Variants in ENOSF1 observed in about 807,000 individuals in gnomAD.
The protein encoded by ENOSF1 is enolase superfamily member 1.
A neutral mutation model predicts 68.2 loss-of-function variants in ENOSF1; 73 were observed. That is an observed-to-expected ratio of 1.07 (90% CI 0.89 to 1.30). The LOEUF (loss-of-function observed/expected upper bound fraction) is 1.30. Among genes scored for constraint, ENOSF1 ranks in the 50% most tolerant of loss-of-function variants. The probability of loss-of-function intolerance (pLI) is 0.00; values close to 1 mark genes in which losing one functional copy is unlikely to be tolerated. For missense variants in ENOSF1, 589 were observed against 554.5 expected, an observed-to-expected ratio of 1.06 and a Z score of -0.62; for synonymous variants, 223 against 210.4, an observed-to-expected ratio of 1.06 and a Z score of -0.52.
Position 678,881 on chromosome 18 carries a change from G to A in ENOSF1, c.877-144C>T. On this transcript the variant is annotated intron_variant, in intron 11 of 15. Transcript: ENST00000647584. ...TCAAGACTGGCAAAGGATGTCCAGG[G>A]GAACACATGCGTGCGGGAGGGCTCT... is the stretch of plus-strand genomic sequence containing the variant. 3.7e-6 allele frequency: 3 copies of A among 809,554 alleles called. No homozygotes were observed. The South Asian group carries it at 4.8e-5, about 13-fold the overall frequency. 50.1% of individuals were successfully genotyped at this position (809,554 alleles called of 1,614,324 possible). A position where few individuals can be genotyped will look rare whatever the true frequency, so the allele number is the denominator to read the frequency against.
At position 675,357 on chromosome 18, in the gene ENOSF1, G is replaced by T. The variant is rs748359200; in HGVS notation, c.1194C>A (p.Pro398=). Reference sequence around the variant, plus strand: ...TGTAGGAAGCCCGCTGGATCATCACGGGATACTTGAAATGCTCATGCAGGT... The same window carrying T: ...TGTAGGAAGCCCGCTGGATCATCACTGGATACTTGAAATGCTCATGCAGGT... The part of the protein sequence containing the change: ...VDHLHEHFKY[P]VMIQRASYMP... The change falls in exon 15 of 16, where the codon CCC becomes CCA. Residue 398 remains proline (P), a synonymous_variant. Coordinates refer to ENST00000647584, the MANE Select transcript of ENOSF1 (RefSeq NM_017512.7). The T allele has an allele frequency of 1.2e-6, 2 of 1,612,932 alleles. No homozygotes were observed. Among genetic ancestry groups the T allele is most frequent in the Non-Finnish European group, 1.7e-6 (2 of 1,179,766 alleles).
rs536440656 is a variant in ENOSF1 at position 706,646 on chromosome 18, A to T, written c.85-68T>A. ...AAACCCGAAAAGAACCATGAGAATG[A>T]TGTCACATGAGGACAGACAATGCCA... On this transcript the variant is annotated intron_variant, in intron 1 of 15. Coordinates refer to ENST00000647584, the MANE Select transcript of ENOSF1 (RefSeq NM_017512.7). The T allele has an allele frequency of 4.0e-5, 48 of 1,188,516 alleles. No individual in the cohort carries two copies. In the African/African-American group the frequency reaches 6.6e-4, roughly 16 times the overall value. The allele number at this position is 1,188,516 out of a possible 1,614,324, so 73.6% of individuals were successfully genotyped here. A position where few individuals can be genotyped will look rare whatever the true frequency, so the allele number is the denominator to read the frequency against.
intron 14 of ENOSF1, among the ~76,000 whole-genome samples, chr18:676,748 T>C (rs1246151804): frequency 6.6e-6 from 1 of 152,262 alleles, no homozygotes; most frequent in Non-Finnish European, 1.5e-5. Context: ...CCATTATTAC[T>C]GAAGCCTCCT....
intron 14 of ENOSF1, chr18:675,637 T>C: frequency 3.9e-6 from 2 of 515,314 alleles, no homozygotes; most frequent in Non-Finnish European, 3.5e-6. Context: ...GAAGTCCCTC[T>C]AGAGGTTTTG....
At chr18:665,137 C>T in the ENOSF1 span, among the ~76,000 whole-genome samples, 6,980 of 146,656 alleles carry the variant, frequency 0.048, 393 homozygotes, top group East Asian at 0.24. Context: ...GGCTGTGAAT[C>T]CATCTGGTCC....
In ENOSF1 at chr18:671,528, C is replaced by A; in HGVS notation, c.*2777G>T. On this transcript the variant is annotated 3_prime_UTR_variant, in exon 16 of 16. Transcript: ENST00000647584. ...GTTGACTGTGGAACAGGCATCTGCT[C>A]AATGCTGTGTCCAAGATAAAGATGA... The A allele has an allele frequency of 1.1e-6, 1 of 918,412 alleles. No individual in the cohort carries two copies. The highest frequency in any genetic ancestry group is 1.3e-5 in the South Asian group (1 of 74,450). 56.9% of individuals were successfully genotyped at this position (918,412 alleles called of 1,614,324 possible). A position where few individuals can be genotyped will look rare whatever the true frequency, so the allele number is the denominator to read the frequency against.
At chr18:664,265 T>A in the ENOSF1 span, among the ~76,000 whole-genome samples, 1 of 151,596 alleles carries the variant, frequency 6.6e-6, no homozygotes, top group African/African-American at 2.4e-5. Context: ...AGGTATTTTA[T>A]TCTCTTTGAA....
chr18:677,637 A>T, intron 13 of ENOSF1, 106 bp downstream of exon 13: 1 of 1,458,988 alleles, frequency 6.9e-7, no homozygotes, highest in Non-Finnish European at 9.2e-7. Context: ...AAAAATCGAA[A>T]TGGCAAACTA....
intron 2 of ENOSF1, among the ~76,000 whole-genome samples, chr18:700,277 A>G (rs2078192229): frequency 6.6e-6 from 1 of 152,194 alleles, no homozygotes; most frequent in African/African-American, 2.4e-5. Context: ...AATTGTGAGA[A>G]GACAGAGTCC....
At chr18:684,435 G>C (rs1346802918) in intron 10 of ENOSF1, among the ~76,000 whole-genome samples, 2 of 151,986 alleles carry the variant, frequency 1.3e-5, no homozygotes, top group Non-Finnish European at 2.9e-5. Flanking sequence ...GGTTGAGGTG[G>C]GAGGATCCCC....
In ENOSF1 at chr18:690,708, T is replaced by A. The variant is rs1395998349; in HGVS notation, c.536-77A>T. The A allele has an allele frequency of 1.9e-6, 3 of 1,592,512 alleles. No homozygotes were observed. The East Asian group carries it at 6.8e-5, about 36-fold the overall frequency. On this transcript the variant is annotated intron_variant, in intron 7 of 15. Transcript: ENST00000647584. ...ATTGGAAGTGCCTGTAGCTAAGCTGTTTCCCCTGGAGAGTCCAGCTGTTCT... is the reference window on the plus strand; with the variant it reads ...ATTGGAAGTGCCTGTAGCTAAGCTGATTCCCCTGGAGAGTCCAGCTGTTCT...
At chr18:680,372 G>A (rs975059361) in intron 11 of ENOSF1, among the ~76,000 whole-genome samples, 3 of 152,206 alleles carry the variant, frequency 2.0e-5, no homozygotes, top group African/African-American at 4.8e-5. Flanking sequence ...AGAAGAGAAA[G>A]GGAGAAACGG....
intron 5 of ENOSF1, chr18:692,193 G>C (rs900978259): frequency 6.6e-6 from 1 of 152,220 alleles, no homozygotes; most frequent in African/African-American, 2.4e-5. Context: ...CACCCTGACG[G>C]AACAGTCAGT....
In ENOSF1 at chr18:671,648, A is replaced by T. The variant is rs2853537; in HGVS notation, c.*2657T>A. The T allele has an allele frequency of 0.38, 226,171 of 602,476 alleles. 45,874 individuals carry two copies. The highest frequency in any genetic ancestry group is 0.66 in the East Asian group (22,705 of 34,228). 37.3% of individuals were successfully genotyped at this position (602,476 alleles called of 1,614,324 possible). A position where few individuals can be genotyped will look rare whatever the true frequency, so the allele number is the denominator to read the frequency against. On this transcript the variant is annotated 3_prime_UTR_variant, in exon 16 of 16. Coordinates refer to ENST00000647584, the MANE Select transcript of ENOSF1 (RefSeq NM_017512.7). ...GCCTCAGCAACCATGGGCACTTAAC[A>T]TGTCAGGTGCTGTGAGGTACTAAGC...
chr18:683,915 T>C (rs572951670), intron 10 of ENOSF1, among the ~76,000 whole-genome samples: 93 of 152,120 alleles, frequency 6.1e-4, no homozygotes, highest in Admixed American at 1.8e-3. Flanking sequence ...ATTTAATATT[T>C]ATAATAACTG....
At chr18:689,213 C>T (rs761359708) in intron 8 of ENOSF1, among the ~76,000 whole-genome samples, 15 of 152,164 alleles carry the variant, frequency 9.9e-5, no homozygotes, top group Non-Finnish European at 1.3e-4. Flanking sequence ...CAGAGTCCTG[C>T]GGTCCACAAA....
intron 2 of ENOSF1, among the ~76,000 whole-genome samples, chr18:700,969 C>T (rs1465734112): frequency 6.6e-6 from 1 of 151,008 alleles, no homozygotes; most frequent in Non-Finnish European, 1.5e-5. Context: ...AAAAAAGGCC[C>T]TTGAAAGCAG....
chr18:674,440 A>C (rs11081251), intron 15 of ENOSF1, 34 bp from the exon 16 acceptor site: 467,709 of 1,370,686 alleles, frequency 0.34, 83,142 homozygotes, highest in East Asian at 0.67. Context: ...TCCTGTTAAC[A>C]ACCACCTGGA....
intron 3 of ENOSF1, 144 bp from the exon 4 acceptor site, chr18:694,478 G>T (rs2077517219): frequency 4.2e-6 from 3 of 708,492 alleles, no homozygotes; most frequent in Non-Finnish European, 7.0e-6. Flanking sequence ...TGAAAACAGA[G>T]AAATGAGCCA....
Sources: allele counts gnomAD v4.1 joint callset (sites outside exome capture counted in the v4.1 genomes callset), GRCh38; gene constraint gnomAD v4.1.1; transcripts MANE v1.5; gene names NCBI Gene and HGNC (gene_info 2026-07-23, HGNC 2026-07-21).